USP7: variants seen among roughly 807,000 people sequenced by gnomAD.
USP7 encodes ubiquitin specific peptidase 7, also known as ubiquitin C-terminal hydrolase 7.
Under a neutral mutation model 162.9 loss-of-function variants are expected in USP7, and 9 were observed. The ratio of observed to expected loss-of-function variants is 0.06; its 90% CI spans 0.03 to 0.10. USP7 has a LOEUF of 0.10. USP7 is among the 10% of genes least tolerant of loss of function. USP7 has a pLI of 1.00. For synonymous variants in USP7, 562 were observed against 475.9 expected (o/e 1.18, Z -2.35); for missense variants, 715 against 1,373.7 (o/e 0.52, Z 7.58).
chr16:8,933,900 C>T (rs548630480), intron 1 of USP7, among the ~76,000 whole-genome samples: 1 of 152,040 alleles, frequency 6.6e-6, no homozygotes. Flanking sequence ...GGATTACAGC[C>T]GTGTGCCACC....
chr16:8,946,876 G>A (rs748881505), intron 1 of USP7, among the ~76,000 whole-genome samples: 3 of 152,224 alleles, frequency 2.0e-5, no homozygotes, highest in East Asian at 1.9e-4. Flanking sequence ...ATAATAAAAT[G>A]TATCAACATT....
At chr16:8,921,364 T>C (rs1897680743) in intron 3 of USP7, 69 bp from the exon 4 acceptor site, 5 of 1,542,264 alleles carry the variant, frequency 3.2e-6, no homozygotes, top group Admixed American at 1.9e-5. Context: ...TTAAAGACAG[T>C]AAACATAGCA....
chr16:8,930,283 A>C lies in USP7; in HGVS notation c.184+10T>G, dbSNP rs759726151. The C allele has an allele frequency of 6.2e-7, 1 of 1,604,186 alleles. No homozygotes were observed. Among genetic ancestry groups the C allele is most frequent in the African/African-American group, 1.3e-5 (1 of 74,466 alleles). ...CGCCCACTGCGAGGCGGTGAACCAC[A>C]GGCACTTACCATCCTCCATGTCCTC... On this transcript the variant is annotated intron_variant, in intron 2 of 30. Coordinates refer to ENST00000344836, the MANE Select transcript of USP7 (RefSeq NM_003470.3).
At position 8,903,301 on chromosome 16, in the gene USP7, A is replaced by G; in HGVS notation, c.1806T>C (p.Leu602=). 2 of 1,614,060 alleles carry G rather than the reference A, an allele frequency of 1.2e-6. No homozygotes were observed. Among genetic ancestry groups the G allele is most frequent in the Non-Finnish European group, 1.7e-6 (2 of 1,179,970 alleles). Residue 602 remains leucine (L), a synonymous_variant, in exon 16 of 31, where the codon CTT becomes CTC. Transcript: ENST00000344836. ...TVFKVLKNSS[L]AEFVQSLSQT... ...GAGAGAGGCTCTGAACAAACTCAGC[A>G]AGCGAGGAGTTCTTCAATACTTTGA... is the stretch of plus-strand genomic sequence containing the variant.
chr16:8,962,979 G>T, intron 1 of USP7: 1 of 239,356 alleles, frequency 4.2e-6, no homozygotes. Context: ...CCCGGCGGAC[G>T]CGAGGTCGGG....
intron 22 of USP7, chr16:8,899,399 T>C: frequency 2.5e-6 from 2 of 789,044 alleles, no homozygotes; most frequent in Non-Finnish European, 4.0e-6. Flanking sequence ...TTTTCACTTT[T>C]AATGGTGAGG....
chr16:8,958,785 A>G (rs1449415734), intron 1 of USP7, among the ~76,000 whole-genome samples: 1 of 152,210 alleles, frequency 6.6e-6, no homozygotes, highest in Admixed American at 6.5e-5. Flanking sequence ...ATGGCACCAA[A>G]TCCACTTGAC....
intron 1 of USP7, among the ~76,000 whole-genome samples, chr16:8,933,863 C>G (rs998003626): frequency 6.6e-6 from 1 of 151,904 alleles, no homozygotes; most frequent in African/African-American, 2.4e-5. Flanking sequence ...TCAAATAATC[C>G]TCCTGCCTCA....
Position 8,899,722 on chromosome 16 carries a change from G to C in USP7, c.2345C>G (p.Thr782Ser). Residue 782 changes from threonine to serine, a missense_variant, in exon 22 of 31, where the codon ACC becomes AGC. By Grantham distance (58) the Thr-to-Ser change is moderately conservative. This residue lies in a region of USP7 where 222 missense variants were observed against 441.7 expected (regional missense o/e 0.50). Coordinates refer to ENST00000344836, the MANE Select transcript of USP7 (RefSeq NM_003470.3). Reference sequence around the variant, plus strand: ...GAGATCTCGGAAATACTCCTTTGCGGTGGGTAATTCACTGTTATCATTTTC... The same window carrying C: ...GAGATCTCGGAAATACTCCTTTGCGCTGGGTAATTCACTGTTATCATTTTC... Reference protein sequence around the residue: ...DPENDNSELPTAKEYFRDLYH... With the variant: ...DPENDNSELPSAKEYFRDLYH... 1 of 1,613,834 alleles carries C rather than the reference G, an allele frequency of 6.2e-7. No individual in the cohort carries two copies. Among genetic ancestry groups the C allele is most frequent in the Non-Finnish European group, 8.5e-7 (1 of 1,179,950 alleles).
At chr16:8,924,456 C>T (rs1040802578) in intron 2 of USP7, among the ~76,000 whole-genome samples, 4 of 152,254 alleles carry the variant, frequency 2.6e-5, no homozygotes, top group African/African-American at 7.2e-5. Context: ...AAGGGCCAAG[C>T]TCTACAGGCA....
chr16:8,900,793 G>A lies in USP7; in HGVS notation c.2209-163C>T, dbSNP rs2061761763. 4.2e-6 allele frequency: 3 copies of A among 707,468 alleles called. No homozygotes were observed. The South Asian group carries it at 6.1e-5, about 14-fold the overall frequency. 43.8% of individuals were successfully genotyped at this position (707,468 alleles called of 1,614,324 possible). A position where few individuals can be genotyped will look rare whatever the true frequency, so the allele number is the denominator to read the frequency against. On this transcript the variant is annotated intron_variant, in intron 20 of 30. Transcript: ENST00000344836. ...GCTAAATGAATAAATCCACAAATAT[G>A]TAACAATCAGATTTGATTCTACAAC... is the stretch of plus-strand genomic sequence containing the variant.
intron 25 of USP7, among the ~76,000 whole-genome samples, chr16:8,897,698 CAAAAAAAAAA>C (rs55635828): frequency 3.4e-4 from 12 of 35,602 alleles, no homozygotes; most frequent in South Asian, 1.7e-3. Context: ...CCTGTCTCTA[CAAAAAAAAAA>C]AAAAAAAAAA....
chr16:8,899,964 A>G (rs2061748043), intron 21 of USP7: 1 of 631,008 alleles, frequency 1.6e-6, no homozygotes, highest in South Asian at 1.9e-5. Context: ...AGCCAGGCGC[A>G]ATGTAGTGGC....
intron 2 of USP7, 49 bp downstream of exon 2, chr16:8,930,244 T>C: frequency 2.1e-6 from 3 of 1,457,258 alleles, no homozygotes; most frequent in Non-Finnish European, 2.9e-6. Context: ...TGAACCTGTT[T>C]TCTGACAAGT....
chr16:8,935,328 G>A (rs1898638427), intron 1 of USP7, among the ~76,000 whole-genome samples: 1 of 151,558 alleles, frequency 6.6e-6, no homozygotes, highest in East Asian at 1.9e-4. Flanking sequence ...TCCCACCTCA[G>A]CCTCCTGAGT....
intron 1 of USP7, among the ~76,000 whole-genome samples, chr16:8,940,950 A>T (rs2141249097): frequency 6.6e-6 from 1 of 152,290 alleles, no homozygotes. Flanking sequence ...AGGATACAAT[A>T]AAGTCAGGAA....
At position 8,955,701 on chromosome 16, in the gene USP7, T is replaced by G. The variant is rs1456050362; in HGVS notation, c.79+7506A>C. Among the ~76,000 whole-genome samples, 6 of 44,774 alleles carry G rather than the reference T, an allele frequency of 1.3e-4. No individual in the cohort carries two copies. The Admixed American group carries it at 2.1e-3, about 16-fold the overall frequency. 29.4% of individuals were successfully genotyped at this position (44,774 alleles called of 152,430 possible). On this transcript the variant is annotated intron_variant, in intron 1 of 30. Coordinates refer to ENST00000344836, the MANE Select transcript of USP7 (RefSeq NM_003470.3). ...AGCCTGGCAACAGAGCACGATTCCA[T>G]CTCAAAAAAAAAAAAAAAAAAAAAA...
At chr16:8,927,263 G>C (rs945619360) in intron 2 of USP7, among the ~76,000 whole-genome samples, 7 of 150,636 alleles carry the variant, frequency 4.6e-5, no homozygotes, top group Admixed American at 6.6e-5. Context: ...CAGAGGGTGA[G>C]GTGAACCGAG....
At chr16:8,919,992 C>G (rs1362862087) in intron 5 of USP7, among the ~76,000 whole-genome samples, 1 of 152,210 alleles carries the variant, frequency 6.6e-6, no homozygotes, top group African/African-American at 2.4e-5. Context: ...TCCCCCCTTC[C>G]TCACACTCGG....
Sources: allele counts gnomAD v4.1 joint callset (sites outside exome capture counted in the v4.1 genomes callset), GRCh38; gene constraint gnomAD v4.1.1; regional missense constraint gnomAD v4.1.1; transcripts MANE v1.5; gene names NCBI Gene and HGNC (gene_info 2026-07-23, HGNC 2026-07-21).